CAMK4: variants seen among roughly 807,000 people sequenced by gnomAD.
CAMK4 encodes the protein calcium/calmodulin-dependent protein kinase type IV.
A neutral mutation model predicts 44.9 loss-of-function variants in CAMK4; 22 were observed. The observed-to-expected ratio is 0.49, with a 90% CI of 0.35 to 0.70. CAMK4 has a LOEUF of 0.70. Among genes scored for constraint, CAMK4 ranks in the 30% least tolerant of loss-of-function variants. CAMK4 has a pLI of 0.01. For synonymous variants in CAMK4, 218 were observed against 215.4 expected, an observed-to-expected ratio of 1.01 and a Z score of -0.11; for missense variants, 498 against 586.8, an observed-to-expected ratio of 0.85 and a Z score of 1.56.
chr5:111,354,129 T>G (rs2112778704), intron 2 of CAMK4, among the ~76,000 whole-genome samples: 1 of 152,234 alleles, frequency 6.6e-6, no homozygotes, highest in Middle Eastern at 3.4e-3. Context: ...TCCTGCCAAT[T>G]GCGACAACAT....
At chr5:111,357,549 C>G (rs945726027) in intron 2 of CAMK4, among the ~76,000 whole-genome samples, 8 of 36,172 alleles carry the variant, frequency 2.2e-4, no homozygotes, top group Non-Finnish European at 5.6e-4. Flanking sequence ...TATATCCAGT[C>G]ACTGTAAACA....
chr5:111,444,259 AG>A (rs1753951651), intron 5 of CAMK4, among the ~76,000 whole-genome samples: 1 of 152,170 alleles, frequency 6.6e-6, no homozygotes, highest in Non-Finnish European at 1.5e-5. Context: ...TTTGTGCCTC[AG>A]TTTCTTCATT....
In CAMK4 at chr5:111,492,071, C is replaced by G. The variant is rs1164652295; in HGVS notation, c.*7605C>G. 1 of 151,950 alleles carries G rather than the reference C, an allele frequency of 6.6e-6. No homozygotes were observed. Among genetic ancestry groups the G allele is most frequent in the African/African-American group, 2.4e-5 (1 of 41,360 alleles). 9.4% of individuals were successfully genotyped at this position (151,950 alleles called of 1,614,324 possible). A position where few individuals can be genotyped will look rare whatever the true frequency, so the allele number is the denominator to read the frequency against. On this transcript the variant is annotated 3_prime_UTR_variant, in exon 11 of 11. Coordinates refer to ENST00000282356, the MANE Select transcript of CAMK4 (RefSeq NM_001744.6). ...TGCTTTCCTTACATATTTAGAAATCCAAGAAGGGCCCTTGTCTTAGTCTAT... is the reference window on the plus strand; with the variant it reads ...TGCTTTCCTTACATATTTAGAAATCGAAGAAGGGCCCTTGTCTTAGTCTAT...
At position 111,230,866 on chromosome 5, in the gene CAMK4, C is replaced by T. The variant is rs78300330; in HGVS notation, c.161+6222C>T. On this transcript the variant is annotated intron_variant, in intron 1 of 10. Transcript: ENST00000282356. ...TTTAAAAACTCTTTTGGGAAAGCTA[C>T]GTATCTAATAAACAGAATATTGATT... is the stretch of plus-strand genomic sequence containing the variant. 1.0e-3 allele frequency among the ~76,000 whole-genome samples: 154 copies of T among 151,330 alleles called. 1 individual carries two copies. In the East Asian group the frequency reaches 0.011, roughly 11 times the overall value.
intron 1 of CAMK4, among the ~76,000 whole-genome samples, chr5:111,261,732 C>A (rs1749986109): frequency 6.6e-6 from 1 of 152,098 alleles, no homozygotes; most frequent in African/African-American, 2.4e-5. Flanking sequence ...TGATTACAAG[C>A]AGAATTTGCC....
At chr5:111,295,519 G>C (rs1026782026) in intron 1 of CAMK4, among the ~76,000 whole-genome samples, 1 of 152,208 alleles carries the variant, frequency 6.6e-6, no homozygotes, top group African/African-American at 2.4e-5. Context: ...ACCACAGTTA[G>C]TGGTAGTGAG....
chr5:111,466,515 T>C (rs531433226), intron 7 of CAMK4, among the ~76,000 whole-genome samples: 2 of 152,168 alleles, frequency 1.3e-5, no homozygotes, highest in East Asian at 3.9e-4. Flanking sequence ...GGATACAAAA[T>C]TAATGTACAC....
intron 1 of CAMK4, among the ~76,000 whole-genome samples, chr5:111,286,636 C>G (rs1751249140): frequency 6.6e-6 from 1 of 152,126 alleles, no homozygotes; most frequent in Admixed American, 6.6e-5. Context: ...TGCTATGTAT[C>G]TAACAGTGAT....
intron 7 of CAMK4, among the ~76,000 whole-genome samples, chr5:111,458,722 A>C (rs1055617164): frequency 6.6e-6 from 1 of 152,192 alleles, no homozygotes; most frequent in Non-Finnish European, 1.5e-5. Context: ...TGGAATATAT[A>C]AGCAAAAATT....
intron 1 of CAMK4, among the ~76,000 whole-genome samples, chr5:111,310,184 G>A (rs913916721): frequency 6.6e-6 from 1 of 152,084 alleles, no homozygotes; most frequent in Non-Finnish European, 1.5e-5. Context: ...CCCCACCTGT[G>A]CAAAGTTTCT....
chr5:111,386,045 G>A (rs1751589796), intron 4 of CAMK4, among the ~76,000 whole-genome samples: 1 of 152,140 alleles, frequency 6.6e-6, no homozygotes, highest in South Asian at 2.1e-4. Context: ...TTTCTTCTTA[G>A]TATTTGAATG....
chr5:111,335,862 A>G (rs774660342), intron 1 of CAMK4, among the ~76,000 whole-genome samples: 1 of 151,408 alleles, frequency 6.6e-6, no homozygotes, highest in African/African-American at 2.4e-5. Context: ...TACAAATACT[A>G]CATATGATTT....
At chr5:111,248,242 TA>T (rs1749325812) in intron 1 of CAMK4, among the ~76,000 whole-genome samples, 2 of 152,362 alleles carry the variant, frequency 1.3e-5, no homozygotes, top group African/African-American at 2.4e-5. Flanking sequence ...GACTGAGAGA[TA>T]TTTTTAAATA....
At chr5:111,431,484 G>A (rs1258029687) in intron 5 of CAMK4, among the ~76,000 whole-genome samples, 3 of 152,058 alleles carry the variant, frequency 2.0e-5, no homozygotes, top group African/African-American at 2.4e-5. Flanking sequence ...CACAAGCACA[G>A]GTAACCAAAG....
At chr5:111,251,168 G>A (rs1003441680) in intron 1 of CAMK4, among the ~76,000 whole-genome samples, 2 of 152,192 alleles carry the variant, frequency 1.3e-5, no homozygotes, top group Non-Finnish European at 2.9e-5. Context: ...CTTTCATGAA[G>A]TGATTGTTCT....
At chr5:111,353,287 G>C (rs900417496) in intron 2 of CAMK4, among the ~76,000 whole-genome samples, 2 of 140,936 alleles carry the variant, frequency 1.4e-5, no homozygotes, top group Non-Finnish European at 3.1e-5. Context: ...GGCTCAGAGA[G>C]GCTAGCTACC....
intron 1 of CAMK4, among the ~76,000 whole-genome samples, chr5:111,256,681 T>C (rs1274562474): frequency 6.6e-6 from 1 of 152,180 alleles, no homozygotes; most frequent in African/African-American, 2.4e-5. Context: ...AAAAGACATA[T>C]AGTATTCACA....
intron 6 of CAMK4, among the ~76,000 whole-genome samples, 153 bp from the exon 7 acceptor site, chr5:111,448,976 G>C (rs989595395): frequency 1.3e-5 from 2 of 152,172 alleles, no homozygotes; most frequent in African/African-American, 4.8e-5. Flanking sequence ...TTAGCTTCCT[G>C]TTGGGTGACT....
chr5:111,479,343 T>A (rs545234846), intron 9 of CAMK4, among the ~76,000 whole-genome samples: 1 of 152,244 alleles, frequency 6.6e-6, no homozygotes, highest in African/African-American at 2.4e-5. Context: ...GCTTCTCACT[T>A]AAGTTAATAT....
Sources: gnomAD v4.1 joint callset for allele counts (sites outside exome capture counted in the v4.1 genomes callset) on GRCh38, gnomAD v4.1.1 for gene constraint, MANE v1.5 for transcripts, NCBI Gene and HGNC (gene_info 2026-07-23, HGNC 2026-07-21) for gene names.